Variants in MARCHF3 observed in about 807,000 individuals in gnomAD.
MARCHF3 encodes E3 ubiquitin-protein ligase MARCHF3.
MARCHF3 carries 13 observed loss-of-function variants against 24.2 expected under a neutral mutation model. The ratio of observed to expected loss-of-function variants is 0.54; its 90% CI spans 0.35 to 0.85. The LOEUF (loss-of-function observed/expected upper bound fraction) is 0.85. Ranked by LOEUF, MARCHF3 falls within the 40% of genes least tolerant of loss-of-function variation. The probability of loss-of-function intolerance (pLI) is 0.01; values close to 1 mark genes in which losing one functional copy is unlikely to be tolerated. For missense variants in MARCHF3, 276 were observed against 325.0 expected (o/e 0.85, Z 1.16); for synonymous variants, 144 against 137.3 (o/e 1.05, Z -0.34).
intron 3 of MARCHF3, among the ~76,000 whole-genome samples, chr5:126,904,954 C>T (rs1327191027): frequency 1.4e-4 from 17 of 122,322 alleles, no homozygotes; most frequent in Admixed American, 3.5e-4. Context: ...TTAGGTCTAA[C>T]GTTTAAGTCT....
chr5:126,883,752 C>G (rs1410196385), intron 3 of MARCHF3, among the ~76,000 whole-genome samples: 2 of 152,168 alleles, frequency 1.3e-5, no homozygotes, highest in Non-Finnish European at 2.9e-5. Flanking sequence ...GACTCTGCCT[C>G]CCAGGCTCTG....
intron 1 of MARCHF3, among the ~76,000 whole-genome samples, chr5:126,980,582 G>C (rs1435175714): frequency 6.6e-6 from 1 of 152,056 alleles, no homozygotes; most frequent in Non-Finnish European, 1.5e-5. Context: ...TATTGGCCAG[G>C]ATCGTCTCAA....
intron 3 of MARCHF3, among the ~76,000 whole-genome samples, chr5:126,893,300 T>C (rs1332618916): frequency 6.6e-6 from 1 of 151,584 alleles, no homozygotes; most frequent in African/African-American, 2.4e-5. Context: ...TCAGTTCTGC[T>C]CTGATTTTAG....
intron 1 of MARCHF3, among the ~76,000 whole-genome samples, chr5:126,944,021 C>T (rs1749923861): frequency 6.6e-6 from 1 of 151,956 alleles, no homozygotes; most frequent in African/African-American, 2.4e-5. Context: ...CCATCTTGGC[C>T]AGGCTGTCTT....
chr5:126,937,604 T>C (rs1426436598), intron 1 of MARCHF3, among the ~76,000 whole-genome samples: 2 of 152,180 alleles, frequency 1.3e-5, no homozygotes, highest in Admixed American at 1.3e-4. Context: ...CAAAGGGATT[T>C]TATGATTTTC....
intron 1 of MARCHF3, among the ~76,000 whole-genome samples, chr5:126,986,899 A>T (rs1751584465): frequency 6.6e-6 from 1 of 152,252 alleles, no homozygotes; most frequent in South Asian, 2.1e-4. Flanking sequence ...GAAAATTTCA[A>T]CAAATTTCTG....
chr5:126,990,726 A>T (rs1010957604), intron 1 of MARCHF3, among the ~76,000 whole-genome samples: 11 of 152,212 alleles, frequency 7.2e-5, no homozygotes, highest in African/African-American at 2.4e-4. Context: ...CCCCATCAAA[A>T]AGTGGGCAAA....
At chr5:126,946,791 T>TGTGTGTGC (rs1750032743) in intron 1 of MARCHF3, among the ~76,000 whole-genome samples, 1 of 151,320 alleles carries the variant, frequency 6.6e-6, no homozygotes, top group African/African-American at 2.4e-5. Flanking sequence ...TGTGTGTGTG[T>TGTGTGTGC]GTGTGTCTGT....
chr5:126,901,491 A>G (rs1754105078), intron 3 of MARCHF3, among the ~76,000 whole-genome samples: 1 of 152,122 alleles, frequency 6.6e-6, no homozygotes, highest in Non-Finnish European at 1.5e-5. Context: ...CCCTGTGCCT[A>G]ACTGAAGATA....
At chr5:126,993,916 A>G (rs1751860169) in intron 1 of MARCHF3, among the ~76,000 whole-genome samples, 1 of 152,226 alleles carries the variant, frequency 6.6e-6, no homozygotes, top group African/African-American at 2.4e-5. Context: ...TGAATACTAT[A>G]GGAATGCAAA....
chr5:127,022,619 A>C (rs893297485), intron 1 of MARCHF3, among the ~76,000 whole-genome samples: 7 of 152,144 alleles, frequency 4.6e-5, no homozygotes, highest in African/African-American at 1.7e-4. Context: ...TTGGTTCTAC[A>C]CTCTCATCTG....
chr5:127,027,555 G>A (rs1753042590), intron 1 of MARCHF3, among the ~76,000 whole-genome samples: 1 of 152,182 alleles, frequency 6.6e-6, no homozygotes, highest in Non-Finnish European at 1.5e-5. Context: ...AAGGAACTAA[G>A]ACTGGGGTTT....
chr5:126,949,278 T>C (rs1750134395), intron 1 of MARCHF3, among the ~76,000 whole-genome samples: 1 of 152,268 alleles, frequency 6.6e-6, no homozygotes, highest in African/African-American at 2.4e-5. Context: ...TAAACTGATA[T>C]CCCATTAAAG....
intron 3 of MARCHF3, among the ~76,000 whole-genome samples, chr5:126,913,660 A>T (rs2126791438): frequency 6.6e-6 from 1 of 152,360 alleles, no homozygotes; most frequent in Non-Finnish European, 1.5e-5. Flanking sequence ...GCCATTTGGC[A>T]AGTAAGTCAT....
intron 2 of MARCHF3, 121 bp from the exon 3 acceptor site, chr5:126,915,255 T>G: frequency 1.1e-6 from 1 of 901,378 alleles, no homozygotes. Flanking sequence ...ACCTCTTAGA[T>G]CTACACTTGA....
chr5:126,968,786 G>A (rs1456334614), intron 1 of MARCHF3, among the ~76,000 whole-genome samples: 5 of 152,100 alleles, frequency 3.3e-5, no homozygotes, highest in African/African-American at 1.2e-4. Context: ...TGTTGGCCTG[G>A]CTGGTCTTGA....
intron 1 of MARCHF3, among the ~76,000 whole-genome samples, chr5:126,950,082 C>G (rs1424287876): frequency 6.6e-6 from 1 of 151,958 alleles, no homozygotes; most frequent in Non-Finnish European, 1.5e-5. Flanking sequence ...CCATTTTTTG[C>G]TTTTCCTCAG....
intron 1 of MARCHF3, among the ~76,000 whole-genome samples, chr5:126,927,126 C>T (rs180858873): frequency 2.2e-4 from 34 of 152,306 alleles, no homozygotes; most frequent in African/African-American, 7.5e-4. Flanking sequence ...CCCCAACACA[C>T]ATACTCACAT....
At chr5:126,981,462 C>G (rs1038759098) in intron 1 of MARCHF3, among the ~76,000 whole-genome samples, 1 of 152,194 alleles carries the variant, frequency 6.6e-6, no homozygotes, top group Non-Finnish European at 1.5e-5. Flanking sequence ...GACGAGTCTT[C>G]TGAGACCTTT....
Sources: gnomAD v4.1 joint callset for allele counts (sites outside exome capture counted in the v4.1 genomes callset) on GRCh38, gnomAD v4.1.1 for gene constraint, MANE v1.5 for transcripts, NCBI Gene and HGNC (gene_info 2026-07-23, HGNC 2026-07-21) for gene names.